SIK3: variants seen among roughly 807,000 people sequenced by gnomAD.
SIK3 encodes serine/threonine-protein kinase SIK3.
In SIK3, 28 loss-of-function variants were observed where a neutral mutation model predicts 144.2. The ratio of observed to expected loss-of-function variants is 0.19; its 90% CI spans 0.14 to 0.27. The LOEUF is 0.27. SIK3 is among the 10% of genes least tolerant of loss of function. The pLI, the probability that SIK3 is intolerant of heterozygous loss-of-function variation, is 1.00. For missense variants in SIK3, 1,319 were observed against 1,776.0 expected (o/e 0.74, Z 4.62); for synonymous variants, 686 against 676.3 (o/e 1.01, Z -0.22).
intron 1 of SIK3, among the ~76,000 whole-genome samples, chr11:117,029,171 A>G (rs994028327): frequency 2.0e-5 from 3 of 152,126 alleles, no homozygotes; most frequent in African/African-American, 4.8e-5. Context: ...GGTCTCCCAA[A>G]GTGCTGGGAT....
rs551758701 is a variant in SIK3 at position 116,843,848 on chromosome 11, G to T, written c.*1795C>A. On this transcript the variant is annotated 3_prime_UTR_variant, in exon 25 of 25. Transcript: ENST00000445177. ...GAGACTGGGGACCATGGAAACATGGGACAGCTCCCACGAAGGGCTCTTGCA... is the reference window on the plus strand; with the variant it reads ...GAGACTGGGGACCATGGAAACATGGTACAGCTCCCACGAAGGGCTCTTGCA... The T allele has an allele frequency of 2.0e-5, 3 of 152,314 alleles. No homozygotes were observed. The East Asian group carries it at 5.8e-4, about 29-fold the overall frequency. 9.4% of individuals were successfully genotyped at this position (152,314 alleles called of 1,614,324 possible). A position where few individuals can be genotyped will look rare whatever the true frequency, so the allele number is the denominator to read the frequency against.
At chr11:116,995,448 A>G (rs1177498394) in intron 1 of SIK3, among the ~76,000 whole-genome samples, 2 of 151,828 alleles carry the variant, frequency 1.3e-5, no homozygotes, top group Non-Finnish European at 2.9e-5. Context: ...ATTTTTGTAG[A>G]GACAAGGTTT....
At chr11:117,040,993 CA>C (rs1023020155) in intron 1 of SIK3, among the ~76,000 whole-genome samples, 2 of 138,584 alleles carry the variant, frequency 1.4e-5, no homozygotes, top group Non-Finnish European at 3.1e-5. Flanking sequence ...AATCTACTCT[CA>C]AAAAAAATCC....
intron 1 of SIK3, among the ~76,000 whole-genome samples, chr11:116,987,984 C>T (rs1459060957): frequency 1.3e-5 from 2 of 152,180 alleles, no homozygotes; most frequent in South Asian, 2.1e-4. Flanking sequence ...CACAGCACCA[C>T]GTACTGTGAG....
chr11:116,961,604 A>G (rs904488721), intron 1 of SIK3, among the ~76,000 whole-genome samples: 5 of 152,246 alleles, frequency 3.3e-5, no homozygotes, highest in African/African-American at 9.6e-5. Flanking sequence ...TTGAAAATCT[A>G]TAAATCTCCT....
In SIK3 at chr11:117,094,327, T is replaced by G. The variant is rs188753321; in HGVS notation, c.273+3816A>C. ...AAAAAATGCATATGGGCCAAGCATT[T>G]GGGTTACAGACTCATGCCTGTAATC... On this transcript the variant is annotated intron_variant, in intron 1 of 24. Coordinates refer to ENST00000445177, the MANE Select transcript of SIK3 (RefSeq NM_001366686.3). Among the ~76,000 whole-genome samples, 815 of 152,276 alleles carry G rather than the reference T, an allele frequency of 5.4e-3. 13 individuals are homozygous for G. The highest frequency in any genetic ancestry group is 0.037 in the Middle Eastern group (11 of 294).
chr11:116,949,863 T>C (rs1021457025), intron 3 of SIK3, among the ~76,000 whole-genome samples: 1 of 152,180 alleles, frequency 6.6e-6, no homozygotes, highest in Admixed American at 6.5e-5. Context: ...TCAGTTCCTT[T>C]GGGAAGAAAT....
intron 1 of SIK3, among the ~76,000 whole-genome samples, chr11:117,002,078 T>A (rs1950872769): frequency 6.6e-6 from 1 of 152,234 alleles, no homozygotes; most frequent in African/African-American, 2.4e-5. Context: ...TGCAGTTCCC[T>A]GAACTTGTAT....
At chr11:116,903,491 A>G (rs1178475300) in intron 4 of SIK3, among the ~76,000 whole-genome samples, 2 of 152,224 alleles carry the variant, frequency 1.3e-5, no homozygotes, top group Admixed American at 1.3e-4. Flanking sequence ...GGAGGAAAAA[A>G]ATTCTCATAA....
intron 1 of SIK3, among the ~76,000 whole-genome samples, chr11:117,039,037 G>C (rs1294411108): frequency 6.6e-6 from 1 of 151,788 alleles, no homozygotes; most frequent in African/African-American, 2.4e-5. Flanking sequence ...GCGACGGAGT[G>C]AGACTCCATC....
intron 1 of SIK3, among the ~76,000 whole-genome samples, chr11:116,987,345 G>C (rs117509405): frequency 6.7e-6 from 1 of 148,414 alleles, no homozygotes; most frequent in Admixed American, 6.7e-5. Context: ...AAAACACAGA[G>C]AGCCTGTTTC....
chr11:117,040,794 C>A (rs1398343131), intron 1 of SIK3, among the ~76,000 whole-genome samples: 4 of 152,108 alleles, frequency 2.6e-5, no homozygotes, highest in African/African-American at 9.7e-5. Context: ...AAAGAGTTCA[C>A]ATATAAATAC....
chr11:116,971,308 G>C (rs1443988973), intron 1 of SIK3, among the ~76,000 whole-genome samples: 1 of 152,122 alleles, frequency 6.6e-6, no homozygotes, highest in Non-Finnish European at 1.5e-5. Flanking sequence ...ACACCAGAAA[G>C]ACATGAACAC....
At position 116,861,918 on chromosome 11, in the gene SIK3, G is replaced by T. The variant is rs144181945; in HGVS notation, c.2238C>A (p.Ile746=). The change falls in exon 18 of 25, where the codon ATC becomes ATA. Residue 746 remains isoleucine (I), a synonymous_variant. Transcript: ENST00000445177. ...GAGGTGGAGATGGCTGAGGAGGACA[G>T]ATAGAGTCCTAAAACATATATGGGG... ...QILQQQIQDS[I]CPPQPSPPLQ... is the part of the protein sequence containing the mutation. 112 of 1,608,244 alleles carry T rather than the reference G, an allele frequency of 7.0e-5. No homozygotes were observed. In the Middle Eastern group the frequency reaches 8.3e-4, roughly 12 times the overall value.
intron 1 of SIK3, among the ~76,000 whole-genome samples, chr11:117,050,296 A>C (rs536223708): frequency 6.6e-5 from 10 of 152,102 alleles, no homozygotes; most frequent in African/African-American, 2.2e-4. Context: ...TCACACACAC[A>C]CACACACACA....
At chr11:116,921,769 A>G (rs1946992975) in intron 4 of SIK3, among the ~76,000 whole-genome samples, 2 of 152,240 alleles carry the variant, frequency 1.3e-5, no homozygotes, top group African/African-American at 4.8e-5. Context: ...TGCTACTGCC[A>G]TTAAGAACAC....
At chr11:116,951,538 A>G (rs1485111641) in intron 3 of SIK3, among the ~76,000 whole-genome samples, 1 of 152,162 alleles carries the variant, frequency 6.6e-6, no homozygotes, top group Admixed American at 6.5e-5. Flanking sequence ...CACCAACCTA[A>G]AATATTTTGT....
intron 1 of SIK3, among the ~76,000 whole-genome samples, chr11:117,088,484 G>A (rs1235067715): frequency 6.6e-6 from 1 of 152,030 alleles, no homozygotes; most frequent in Non-Finnish European, 1.5e-5. Flanking sequence ...TGTATTAAGG[G>A]TATAAAAACA....
intron 4 of SIK3, among the ~76,000 whole-genome samples, chr11:116,915,124 ATGTGTGTGTGTG>A (rs35059138): frequency 1.8e-4 from 23 of 129,980 alleles, no homozygotes; most frequent in African/African-American, 3.7e-4. Flanking sequence ...GAAGCCATAT[ATGTGTGTGTGTG>A]TGTGTGTGTG....
Sources: allele counts gnomAD v4.1 joint callset (sites outside exome capture counted in the v4.1 genomes callset), GRCh38; gene constraint gnomAD v4.1.1; transcripts MANE v1.5; gene names NCBI Gene and HGNC (gene_info 2026-07-23, HGNC 2026-07-21).